The following NTM variants were observed in gnomAD, a reference collection of about 807,000 sequenced individuals.
NTM encodes IgLON family member 2.
A neutral mutation model predicts 42.1 loss-of-function variants in NTM; 13 were observed. The ratio of observed to expected loss-of-function variants is 0.31; its 90% CI spans 0.20 to 0.49. The LOEUF is 0.49. NTM is among the 20% of genes least tolerant of loss of function. The pLI, the probability that NTM is intolerant of heterozygous loss-of-function variation, is 0.99. For synonymous variants in NTM, 187 were observed against 179.2 expected (o/e 1.04, Z -0.35); for missense variants, 373 against 452.8 (o/e 0.82, Z 1.60).
At chr11:132,321,847 A>G (rs1212795937) in intron 7 of NTM, among the ~76,000 whole-genome samples, 1 of 150,224 alleles carries the variant, frequency 6.7e-6, no homozygotes. Context: ...AAACCCTACA[A>G]GCCAGAAGAG....
At chr11:132,170,415 A>T (rs112755054) in intron 3 of NTM, among the ~76,000 whole-genome samples, 2 of 152,286 alleles carry the variant, frequency 1.3e-5, no homozygotes, top group African/African-American at 4.8e-5. Flanking sequence ...TCTAGGTCTT[A>T]CTTCCTTTAG....
At chr11:131,697,154 A>G (rs537945024) in intron 1 of NTM, among the ~76,000 whole-genome samples, 2 of 152,356 alleles carry the variant, frequency 1.3e-5, no homozygotes, top group Non-Finnish European at 2.9e-5. Context: ...CAAGATAAGG[A>G]CACAAGGTAA....
intron 4 of NTM, among the ~76,000 whole-genome samples, chr11:132,245,972 C>CG (rs969357576): frequency 6.6e-6 from 1 of 152,142 alleles, no homozygotes; most frequent in African/African-American, 2.4e-5. Context: ...CTTTTCTCCC[C>CG]GGGCGGCCAC....
At chr11:131,578,058 G>A (rs2058084450) in intron 1 of NTM, among the ~76,000 whole-genome samples, 1 of 152,168 alleles carries the variant, frequency 6.6e-6, no homozygotes, top group Admixed American at 6.5e-5. Context: ...AGGACACCTA[G>A]GACACTGGCT....
intron 1 of NTM, among the ~76,000 whole-genome samples, chr11:131,673,606 T>C (rs1289743186): frequency 2.3e-4 from 35 of 152,206 alleles, no homozygotes; most frequent in Admixed American, 1.8e-3. Flanking sequence ...TGCTTGCTGC[T>C]CTAATTTTGT....
intron 1 of NTM, among the ~76,000 whole-genome samples, chr11:131,527,108 G>C (rs2050602606): frequency 6.6e-6 from 1 of 152,114 alleles, no homozygotes; most frequent in African/African-American, 2.4e-5. Flanking sequence ...GAGGAACTTT[G>C]CCCACACTGT....
chr11:132,031,844 C>T (rs978063622), intron 2 of NTM, among the ~76,000 whole-genome samples: 1 of 152,086 alleles, frequency 6.6e-6, no homozygotes, highest in East Asian at 1.9e-4. Flanking sequence ...TATATAATCT[C>T]TTATGTGTGA....
At chr11:132,253,979 A>G (rs1392112542) in intron 4 of NTM, among the ~76,000 whole-genome samples, 1 of 152,160 alleles carries the variant, frequency 6.6e-6, no homozygotes, top group Non-Finnish European at 1.5e-5. Context: ...TGGAGTCTGG[A>G]GAAATGAGGC....
chr11:131,945,831 C>T (rs1309231879), intron 2 of NTM, among the ~76,000 whole-genome samples: 1 of 152,150 alleles, frequency 6.6e-6, no homozygotes, highest in African/African-American at 2.4e-5. Flanking sequence ...CAGGAATCTT[C>T]AGGAGACACA....
chr11:131,675,121 T>G (rs540639183), intron 1 of NTM, among the ~76,000 whole-genome samples: 2 of 152,356 alleles, frequency 1.3e-5, no homozygotes, highest in African/African-American at 2.4e-5. Context: ...CCATCTTTAC[T>G]TTGGTTCTTG....
chr11:131,814,000 C>T (rs1456928617), intron 1 of NTM, among the ~76,000 whole-genome samples: 1 of 152,050 alleles, frequency 6.6e-6, no homozygotes. Context: ...CAAATGTTAG[C>T]CATGTATGAT....
chr11:132,072,247 C>A (rs1415773650), intron 2 of NTM, among the ~76,000 whole-genome samples: 4 of 152,140 alleles, frequency 2.6e-5, no homozygotes, highest in African/African-American at 7.2e-5. Context: ...AACATCATTG[C>A]CTTTTGAATA....
At chr11:132,248,036 C>G (rs558079630) in intron 4 of NTM, among the ~76,000 whole-genome samples, 1 of 147,978 alleles carries the variant, frequency 6.8e-6, no homozygotes, top group Admixed American at 6.8e-5. Flanking sequence ...CCACAGCATC[C>G]AAACATGGGA....
chr11:131,568,546 T>C (rs567768058), intron 1 of NTM, among the ~76,000 whole-genome samples: 1 of 152,288 alleles, frequency 6.6e-6, no homozygotes, highest in South Asian at 2.1e-4. Flanking sequence ...ATAGTTTTGA[T>C]TGGTCAGATG....
intron 2 of NTM, among the ~76,000 whole-genome samples, chr11:132,106,852 G>C (rs1212261606): frequency 6.6e-6 from 1 of 152,170 alleles, no homozygotes; most frequent in Non-Finnish European, 1.5e-5. Flanking sequence ...CTGCCATTGA[G>C]CTGCGATGTT....
intron 2 of NTM, among the ~76,000 whole-genome samples, chr11:131,954,452 A>C (rs2061354796): frequency 6.6e-6 from 1 of 152,136 alleles, no homozygotes; most frequent in Non-Finnish European, 1.5e-5. Context: ...TTTCTAATGC[A>C]CTTCACTGGG....
chr11:131,429,690 C>T (rs576458812), intron 1 of NTM, among the ~76,000 whole-genome samples: 3 of 152,258 alleles, frequency 2.0e-5, no homozygotes, highest in Admixed American at 6.5e-5. Flanking sequence ...GGGGGTCTCT[C>T]GTGCAAACAA....
chr11:131,370,961 T>G, intron 1 of NTM, 73 bp downstream of exon 1: 2 of 1,596,678 alleles, frequency 1.3e-6, no homozygotes, highest in Middle Eastern at 1.7e-4. Flanking sequence ...ATTTGCAGAC[T>G]CCCCGAGTCG....
At chr11:131,915,536 T>G (rs2056165994) in intron 2 of NTM, among the ~76,000 whole-genome samples, 1 of 152,182 alleles carries the variant, frequency 6.6e-6, no homozygotes, top group Non-Finnish European at 1.5e-5. Flanking sequence ...TCTCTATCAT[T>G]TTATTTTAAA....
Sources: allele counts gnomAD v4.1 joint callset (sites outside exome capture counted in the v4.1 genomes callset), GRCh38; gene constraint gnomAD v4.1.1; transcripts MANE v1.5; gene names NCBI Gene and HGNC (gene_info 2026-07-23, HGNC 2026-07-21).